CCDC30: variants seen among roughly 807,000 people sequenced by gnomAD.
CCDC30 encodes the protein coiled-coil domain-containing protein 30.
A neutral mutation model predicts 100.2 loss-of-function variants in CCDC30; 70 were observed. The ratio of observed to expected loss-of-function variants is 0.70; its 90% CI spans 0.58 to 0.85. CCDC30 has a LOEUF of 0.85. Among genes scored for constraint, CCDC30 ranks in the 40% least tolerant of loss-of-function variants. The probability of loss-of-function intolerance (pLI) is 0.00; values close to 1 mark genes in which losing one functional copy is unlikely to be tolerated. For synonymous variants in CCDC30, 233 were observed against 269.5 expected, an observed-to-expected ratio of 0.86 and a Z score of 1.33; for missense variants, 652 against 771.2, an observed-to-expected ratio of 0.85 and a Z score of 1.83.
At chr1:42,541,891 G>A (rs1645018721) in intron 6 of CCDC30, among the ~76,000 whole-genome samples, 1 of 152,192 alleles carries the variant, frequency 6.6e-6, no homozygotes, top group Admixed American at 6.5e-5. Flanking sequence ...GACTCATACA[G>A]AATTTTAGAG....
intron 11 of CCDC30, among the ~76,000 whole-genome samples, chr1:42,635,335 C>T (rs1032055121): frequency 2.0e-5 from 3 of 151,934 alleles, no homozygotes; most frequent in Non-Finnish European, 2.9e-5. Context: ...TGTGAGCCAC[C>T]GTGCCTGGCT....
intron 10 of CCDC30, among the ~76,000 whole-genome samples, chr1:42,607,130 A>G (rs1276464138): frequency 6.6e-6 from 1 of 152,200 alleles, no homozygotes; most frequent in Non-Finnish European, 1.5e-5. Context: ...TAAAGCTAGC[A>G]AAGTAGCAGC....
At chr1:42,512,323 A>G (rs1211964821) in intron 6 of CCDC30, among the ~76,000 whole-genome samples, 2 of 152,112 alleles carry the variant, frequency 1.3e-5, no homozygotes, top group Admixed American at 1.3e-4. Context: ...GTTTATGGCC[A>G]GATTTGGGGG....
intron 8 of CCDC30, among the ~76,000 whole-genome samples, chr1:42,579,407 G>T (rs1027871401): frequency 1.3e-5 from 2 of 151,836 alleles, no homozygotes; most frequent in Non-Finnish European, 2.9e-5. Flanking sequence ...GCCAAGGTGG[G>T]TGGATCACCT....
chr1:42,584,913 A>G (rs1030685855), intron 9 of CCDC30, among the ~76,000 whole-genome samples: 53 of 152,212 alleles, frequency 3.5e-4, no homozygotes, highest in African/African-American at 1.2e-3. Context: ...AAAATTACTT[A>G]GGAAGTGTCC....
intron 4 of CCDC30, chr1:42,491,912 A>T: frequency 1.9e-6 from 1 of 536,698 alleles, no homozygotes; most frequent in South Asian, 2.9e-5. Flanking sequence ...CCAAAATTGC[A>T]TCTGATAGCC....
At chr1:42,597,942 A>C (rs1319558367) in intron 10 of CCDC30, among the ~76,000 whole-genome samples, 1 of 143,944 alleles carries the variant, frequency 6.9e-6, no homozygotes. Context: ...AGGATCACTT[A>C]AGGCCAGGAG....
In CCDC30 at chr1:42,510,571, C is replaced by A. The variant is rs190579110; in HGVS notation, c.456+11655C>A. On this transcript the variant is annotated intron_variant, in intron 6 of 16. Transcript: ENST00000668663. ...ACTTGGGAGGCTGAGGCAGGAGAAT[C>A]ACTTGAACCTGGGAAGTGGAGGTTG... Among the ~76,000 whole-genome samples, 163 of 151,762 alleles carry A rather than the reference C, an allele frequency of 1.1e-3. 1 individual carries two copies. The highest frequency in any genetic ancestry group is 3.9e-3 in the African/African-American group (160 of 41,380).
chr1:42,597,531 C>T (rs1323056006), intron 10 of CCDC30, among the ~76,000 whole-genome samples: 1 of 152,018 alleles, frequency 6.6e-6, no homozygotes, highest in Non-Finnish European at 1.5e-5. Flanking sequence ...GTGTTGAGGC[C>T]GGGCACAGTG....
chr1:42,635,626 G>A (rs1053159683), intron 11 of CCDC30, among the ~76,000 whole-genome samples: 13 of 151,840 alleles, frequency 8.6e-5, no homozygotes, highest in African/African-American at 7.3e-5. Flanking sequence ...TGACTAACAC[G>A]GTGAAACCCC....
chr1:42,502,690 T>G (rs1369075664), intron 6 of CCDC30, among the ~76,000 whole-genome samples: 1 of 152,134 alleles, frequency 6.6e-6, no homozygotes. Context: ...TTTCTTATTT[T>G]TCTACCTGCC....
intron 2 of CCDC30, among the ~76,000 whole-genome samples, chr1:42,481,119 A>G (rs1225223906): frequency 6.6e-6 from 1 of 152,076 alleles, no homozygotes; most frequent in Non-Finnish European, 1.5e-5. Flanking sequence ...TCTTAAAAAA[A>G]AAAAAAGAGT....
intron 7 of CCDC30, among the ~76,000 whole-genome samples, chr1:42,573,562 A>G (rs552766549): frequency 1.3e-5 from 2 of 152,090 alleles, no homozygotes; most frequent in African/African-American, 2.4e-5. Flanking sequence ...CTTCCTTTCC[A>G]TATGTTAAAC....
intron 3 of CCDC30, chr1:42,489,937 A>G (rs1248158756): frequency 3.1e-5 from 8 of 260,092 alleles, no homozygotes; most frequent in Admixed American, 2.2e-4. Context: ...AGGAAAGACA[A>G]TTACAAGATC....
At chr1:42,472,209 C>T (rs1261194839) in intron 1 of CCDC30, among the ~76,000 whole-genome samples, 1 of 152,082 alleles carries the variant, frequency 6.6e-6, no homozygotes, top group Non-Finnish European at 1.5e-5. Flanking sequence ...GCTGAGATCA[C>T]ACCACTGCAC....
At chr1:42,484,913 A>G (rs1429911913) in intron 3 of CCDC30, among the ~76,000 whole-genome samples, 1 of 152,164 alleles carries the variant, frequency 6.6e-6, no homozygotes, top group Non-Finnish European at 1.5e-5. Context: ...AAGATTTAAG[A>G]GACTTATTAA....
intron 6 of CCDC30, among the ~76,000 whole-genome samples, chr1:42,519,552 G>GT (rs766601604): frequency 8.6e-5 from 13 of 151,972 alleles, no homozygotes; most frequent in Non-Finnish European, 1.5e-4. Flanking sequence ...TTGTTTGTTT[G>GT]TTTGTTTTGT....
intron 1 of CCDC30, among the ~76,000 whole-genome samples, chr1:42,468,507 G>A (rs1643663283): frequency 6.6e-6 from 1 of 152,178 alleles, no homozygotes; most frequent in Non-Finnish European, 1.5e-5. Flanking sequence ...CTATCAGTAA[G>A]GAAGTCAGTC....
intron 13 of CCDC30, among the ~76,000 whole-genome samples, chr1:42,643,696 G>C (rs1247788122): frequency 1.3e-5 from 2 of 152,152 alleles, no homozygotes; most frequent in Admixed American, 1.3e-4. Context: ...CTGAGGCTCA[G>C]ATTTGTCACA....
Sources: gnomAD v4.1 joint callset for allele counts (sites outside exome capture counted in the v4.1 genomes callset) on GRCh38, gnomAD v4.1.1 for gene constraint, MANE v1.5 for transcripts, NCBI Gene and HGNC (gene_info 2026-07-23, HGNC 2026-07-21) for gene names.